Variants in LCOR observed in about 807,000 individuals in gnomAD.
LCOR encodes ligand dependent nuclear receptor corepressor.
In LCOR, 14 loss-of-function variants were observed where a neutral mutation model predicts 64.4. The observed-to-expected ratio is 0.22, with a 90% CI of 0.14 to 0.34. The LOEUF is 0.34. Ranked by LOEUF, LCOR falls within the 10% of genes least tolerant of loss-of-function variation. The probability of loss-of-function intolerance (pLI) is 1.00; values close to 1 mark genes in which losing one functional copy is unlikely to be tolerated. For missense variants in LCOR, 1,686 were observed against 1,765.3 expected (o/e 0.96, Z 0.80); for synonymous variants, 643 against 642.5 (o/e 1.00, Z -0.01).
intron 7 of LCOR, chr10:96,958,449 C>G (rs1235744216): frequency 8.8e-7 from 1 of 1,140,864 alleles, no homozygotes; most frequent in Non-Finnish European, 1.3e-6. Context: ...GGTGTGCCTA[C>G]CCTTTAATGC....
intron 2 of LCOR, among the ~76,000 whole-genome samples, chr10:96,843,335 G>A (rs776342587): frequency 2.0e-5 from 3 of 152,028 alleles, no homozygotes; most frequent in Non-Finnish European, 2.9e-5. Flanking sequence ...GTCTTGCTAT[G>A]TAGCCCAGGC....
At position 96,983,273 on chromosome 10, in the gene LCOR, G is replaced by A; in HGVS notation, c.2813G>A (p.Gly938Glu). 1 of 1,614,192 alleles carries A rather than the reference G, an allele frequency of 6.2e-7. No individual in the cohort carries two copies. Among genetic ancestry groups the A allele is most frequent in the South Asian group, 1.1e-5 (1 of 91,086 alleles). The part of the protein sequence containing the change: ...FPSRDPITTA[G>E]QPLPGERLEI... ...AGCAGGGACCCCATAACCACAGCTG[G>A]ACAGCCACTGCCTGGAGAGAGATTG... is the stretch of plus-strand genomic sequence containing the variant. The change falls in exon 8 of 8, where the codon GGA becomes GAA. Residue 938 changes from glycine to glutamate, a missense_variant. Physicochemically the swap from Gly to Glu is moderately conservative, Grantham distance 98. Coordinates refer to ENST00000421806, the MANE Select transcript of LCOR (RefSeq NM_001346516.2). The surrounding 1 kb of genome is among the most constrained non-coding windows in gnomAD (Gnocchi z 4.5).
intron 6 of LCOR, among the ~76,000 whole-genome samples, chr10:96,950,154 A>C (rs1847653009): frequency 1.3e-5 from 2 of 152,198 alleles, no homozygotes; most frequent in South Asian, 2.1e-4. Context: ...GTATACAGAA[A>C]GGTTACGAGA....
chr10:96,956,106 G>A, intron 7 of LCOR: 2 of 1,418,692 alleles, frequency 1.4e-6, no homozygotes, highest in East Asian at 5.1e-5. Context: ...AATTTTTCAT[G>A]TGCAGTATGG....
At chr10:96,915,584 AC>A in intron 4 of LCOR, 1 of 719,184 alleles carries the variant, frequency 1.4e-6, no homozygotes. Context: ...AGAATTTCAA[AC>A]TATACAGTCA....
intron 4 of LCOR, among the ~76,000 whole-genome samples, chr10:96,929,528 A>G (rs1484761598): frequency 6.6e-6 from 1 of 152,240 alleles, no homozygotes; most frequent in Admixed American, 6.5e-5. Context: ...GCTTAAGAGA[A>G]TGTTGTGGCT....
chr10:96,944,345 TC>T (rs1847550346), intron 5 of LCOR, 100 bp downstream of exon 5: 2 of 624,088 alleles, frequency 3.2e-6, no homozygotes, highest in South Asian at 1.4e-4. Context: ...AAAACATTTT[TC>T]TTTATTGATA....
At chr10:96,835,045 C>A (rs1436648692) in intron 2 of LCOR, among the ~76,000 whole-genome samples, 1 of 152,156 alleles carries the variant, frequency 6.6e-6, no homozygotes, top group African/African-American at 2.4e-5. Context: ...GGACTACAGG[C>A]GTGCGCCACC....
At chr10:96,955,548 G>T in intron 7 of LCOR, 1 of 1,614,148 alleles carries the variant, frequency 6.2e-7, no homozygotes, top group Non-Finnish European at 8.5e-7. Flanking sequence ...TGCTGGACCC[G>T]ATTCTTGGGG....
At chr10:96,869,419 C>A (rs957916721) in intron 2 of LCOR, among the ~76,000 whole-genome samples, 3 of 151,970 alleles carry the variant, frequency 2.0e-5, no homozygotes, top group African/African-American at 7.3e-5. Context: ...TTCACCATGT[C>A]AACCAGGCTG....
chr10:96,873,571 CGTGTGTGTGT>C (rs55893181), intron 2 of LCOR, among the ~76,000 whole-genome samples: 1,860 of 126,378 alleles, frequency 0.015, 20 homozygotes, highest in Middle Eastern at 0.037. Context: ...CACACACACA[CGTGTGTGTGT>C]GTGTGTGTGT....
chr10:96,928,412 A>C (rs1358508728), intron 4 of LCOR, among the ~76,000 whole-genome samples: 1 of 152,176 alleles, frequency 6.6e-6, no homozygotes, highest in African/African-American at 2.4e-5. Flanking sequence ...AAAAAAAAAT[A>C]AACCACTGTT....
At chr10:96,956,358 G>C (rs1480839105) in intron 7 of LCOR, 1 of 985,654 alleles carries the variant, frequency 1.0e-6, no homozygotes, top group Non-Finnish European at 1.2e-6. Context: ...CTGCAAATTG[G>C]AAAGCCATCT....
intron 2 of LCOR, among the ~76,000 whole-genome samples, chr10:96,835,842 T>C (rs1845432791): frequency 6.6e-6 from 1 of 152,180 alleles, no homozygotes; most frequent in Non-Finnish European, 1.5e-5. Flanking sequence ...TTCAGTTGAA[T>C]TGGAGTTAGT....
chr10:96,948,208 G>A lies in LCOR; in HGVS notation c.-50-800G>A, dbSNP rs531741680. Reference sequence around the variant, plus strand: ...TTGACTAGAAATTGATAATTTAGATGTTTATTTCATTATTTTATTTTTTTT... The same window carrying A: ...TTGACTAGAAATTGATAATTTAGATATTTATTTCATTATTTTATTTTTTTT... On this transcript the variant is annotated intron_variant, in intron 5 of 7. Transcript: ENST00000421806. Among the ~76,000 whole-genome samples, 9 of 152,184 alleles carry A rather than the reference G, an allele frequency of 5.9e-5. No homozygotes were observed. The East Asian group carries it at 9.7e-4, about 16-fold the overall frequency.
chr10:96,853,402 C>T (rs1845752316), intron 2 of LCOR, among the ~76,000 whole-genome samples: 1 of 152,174 alleles, frequency 6.6e-6, no homozygotes, highest in Non-Finnish European at 1.5e-5. Context: ...TCTTTATTCA[C>T]CTACCAAAAT....
chr10:96,854,070 G>A (rs182539322), intron 2 of LCOR, among the ~76,000 whole-genome samples: 3 of 152,260 alleles, frequency 2.0e-5, no homozygotes, highest in Admixed American at 1.3e-4. Context: ...ATAGAGCCAA[G>A]CCATATCACC....
chr10:96,941,083 C>T (rs1460485679), intron 4 of LCOR, among the ~76,000 whole-genome samples: 1 of 132,550 alleles, frequency 7.5e-6, no homozygotes, highest in Non-Finnish European at 1.6e-5. Context: ...GCCTCCCTCC[C>T]GGACGGGGCG....
intron 2 of LCOR, among the ~76,000 whole-genome samples, chr10:96,880,087 T>C (rs1181401460): frequency 6.6e-6 from 1 of 152,244 alleles, no homozygotes; most frequent in Non-Finnish European, 1.5e-5. Flanking sequence ...TGCTTCACTG[T>C]TGATACTGAA....
Sources: allele counts gnomAD v4.1 joint callset (sites outside exome capture counted in the v4.1 genomes callset), GRCh38; gene constraint gnomAD v4.1.1; non-coding constraint Gnocchi (gnomAD v3.1); transcripts MANE v1.5; gene names NCBI Gene and HGNC (gene_info 2026-07-23, HGNC 2026-07-21).